The following CDC42SE2 variants were observed in gnomAD, a reference collection of about 807,000 sequenced individuals.
The protein encoded by CDC42SE2 is CDC42 small effector 2.
Under a neutral mutation model 11.5 loss-of-function variants are expected in CDC42SE2, and 3 were observed. That is an observed-to-expected ratio of 0.26 (90% CI 0.12 to 0.67). CDC42SE2 has a LOEUF of 0.67. Among genes scored for constraint, CDC42SE2 ranks in the 30% least tolerant of loss-of-function variants. The pLI is 0.80. For synonymous variants in CDC42SE2, 33 were observed against 34.8 expected (o/e 0.95, Z 0.18); for missense variants, 82 against 106.8 (o/e 0.77, Z 1.02).
intron 2 of CDC42SE2, among the ~76,000 whole-genome samples, chr5:131,326,522 T>G (rs556071816): frequency 6.6e-6 from 1 of 152,326 alleles, no homozygotes; most frequent in Non-Finnish European, 1.5e-5. Flanking sequence ...ATTCTCTGAT[T>G]TTATTGCTTG....
At chr5:131,342,805 T>C (rs245795) in intron 2 of CDC42SE2, among the ~76,000 whole-genome samples, 65,228 of 151,848 alleles carry the variant, frequency 0.43, 17,978 homozygotes, top group African/African-American at 0.78. Flanking sequence ...CTCCGCCTAC[T>C]GGGTTCAAGT....
At chr5:131,330,428 A>G (rs6897209) in intron 2 of CDC42SE2, among the ~76,000 whole-genome samples, 10,351 of 152,172 alleles carry the variant, frequency 0.068, 674 homozygotes, top group African/African-American at 0.17. Flanking sequence ...GAATGTCATT[A>G]GTTCTTGGCT....
chr5:131,335,328 G>T (rs1254451573), intron 2 of CDC42SE2, among the ~76,000 whole-genome samples: 2 of 152,344 alleles, frequency 1.3e-5, no homozygotes, highest in South Asian at 2.1e-4. Context: ...TGTGGTCTGA[G>T]AGACAGTTTG....
upstream of CDC42SE2, chr5:131,261,449 G>A (rs1436624284): frequency 1.5e-4 from 23 of 152,160 alleles, no homozygotes; most frequent in Admixed American, 1.5e-3. Flanking sequence ...ATTGTAACAT[G>A]TAATCTGTAG....
chr5:131,233,268 A>G, the CDC42SE2 span, among the ~76,000 whole-genome samples: 1 of 152,182 alleles, frequency 6.6e-6, no homozygotes, highest in African/African-American at 2.4e-5. Flanking sequence ...ATAATACAAT[A>G]GTTTTAAAAT....
intron 1 of CDC42SE2, among the ~76,000 whole-genome samples, chr5:131,314,543 T>C (rs1358433603): frequency 1.3e-5 from 2 of 152,216 alleles, no homozygotes; most frequent in Non-Finnish European, 2.9e-5. Context: ...GCCTGGCTTC[T>C]GATTATTCTT....
At chr5:131,232,153 G>A in the CDC42SE2 span, among the ~76,000 whole-genome samples, 1 of 151,802 alleles carries the variant, frequency 6.6e-6, no homozygotes, top group East Asian at 1.9e-4. Context: ...TACTCCAGTA[G>A]CCCAGGCTGG....
intron 1 of CDC42SE2, among the ~76,000 whole-genome samples, chr5:131,302,507 G>T (rs1757705276): frequency 6.6e-6 from 1 of 151,916 alleles, no homozygotes; most frequent in Non-Finnish European, 1.5e-5. Flanking sequence ...TAGAGACGGG[G>T]GTTTCACCAT....
the CDC42SE2 span, among the ~76,000 whole-genome samples, chr5:131,221,210 A>G: frequency 2.6e-5 from 4 of 152,126 alleles, no homozygotes; most frequent in Non-Finnish European, 5.9e-5. Flanking sequence ...TCCAACCCGC[A>G]GCCCACGGCC....
chr5:131,234,558 C>T, the CDC42SE2 span, among the ~76,000 whole-genome samples: 99 of 151,528 alleles, frequency 6.5e-4, no homozygotes, highest in Non-Finnish European at 1.2e-3. Flanking sequence ...ATTGCTTGAA[C>T]CTGGGCGGCA....
intron 1 of CDC42SE2, among the ~76,000 whole-genome samples, chr5:131,264,992 G>A (rs535548163): frequency 2.0e-5 from 3 of 152,274 alleles, no homozygotes; most frequent in Middle Eastern, 3.4e-3. Context: ...CTTATAGTAC[G>A]TGCTCAGTAA....
intron 1 of CDC42SE2, among the ~76,000 whole-genome samples, chr5:131,266,510 A>G (rs1756869814): frequency 6.9e-6 from 1 of 144,692 alleles, no homozygotes; most frequent in South Asian, 2.2e-4. Flanking sequence ...CCCAGGCTAG[A>G]GTGCAGCGGT....
intron 1 of CDC42SE2, among the ~76,000 whole-genome samples, chr5:131,303,130 T>G (rs76042957): frequency 0.034 from 5,234 of 152,252 alleles, 310 homozygotes; most frequent in African/African-American, 0.12. Context: ...ACAGAGGAAA[T>G]AAATGACAGT....
chr5:131,230,596 G>T, the CDC42SE2 span, among the ~76,000 whole-genome samples: 3 of 152,122 alleles, frequency 2.0e-5, no homozygotes. Flanking sequence ...CCCCACCATT[G>T]TCTCCTACTG....
intron 3 of CDC42SE2, among the ~76,000 whole-genome samples, chr5:131,370,628 T>G (rs754455047): frequency 6.6e-6 from 1 of 152,184 alleles, no homozygotes; most frequent in Non-Finnish European, 1.5e-5. Context: ...TGGTCAAACA[T>G]TTCTTTAGTT....
the CDC42SE2 span, among the ~76,000 whole-genome samples, chr5:131,219,843 G>C: frequency 2.0e-5 from 3 of 152,116 alleles, no homozygotes; most frequent in Non-Finnish European, 2.9e-5. Context: ...AGGCTAAGAT[G>C]GGAGAATCAC....
At chr5:131,262,028 T>C (rs1756731119), upstream of CDC42SE2, among the ~76,000 whole-genome samples, 1 of 151,428 alleles carries the variant, frequency 6.6e-6, no homozygotes, top group African/African-American at 2.4e-5. Context: ...AATCTGAAAA[T>C]AAATGTTTAC....
intron 1 of CDC42SE2, among the ~76,000 whole-genome samples, chr5:131,303,726 A>G (rs1339327613): frequency 6.6e-6 from 1 of 152,246 alleles, no homozygotes; most frequent in African/African-American, 2.4e-5. Flanking sequence ...ACTAATAGGT[A>G]GAACATACAG....
chr5:131,384,452 ACT>A (rs1750415945), intron 3 of CDC42SE2, among the ~76,000 whole-genome samples: 1 of 152,102 alleles, frequency 6.6e-6, no homozygotes, highest in South Asian at 2.1e-4. Context: ...CAAGTTTGTA[ACT>A]CTGCTTGGTT....
Sources: gnomAD v4.1 joint callset for allele counts (sites outside exome capture counted in the v4.1 genomes callset) on GRCh38, gnomAD v4.1.1 for gene constraint, MANE v1.5 for transcripts, NCBI Gene and HGNC (gene_info 2026-07-23, HGNC 2026-07-21) for gene names.